The following LRRC2 variants were observed in gnomAD, a reference collection of about 807,000 sequenced individuals.
LRRC2 encodes leucine rich repeat containing 2, also known as leucine-rich repeat-containing protein 2.
LRRC2 carries 27 observed loss-of-function variants against 40.2 expected under a neutral mutation model. The ratio of observed to expected loss-of-function variants is 0.67; its 90% CI spans 0.49 to 0.93. LRRC2 has a LOEUF of 0.93. Ranked by LOEUF, LRRC2 falls within the 40% of genes least tolerant of loss-of-function variation. The probability of loss-of-function intolerance (pLI) is 0.00; values close to 1 mark genes in which losing one functional copy is unlikely to be tolerated. For synonymous variants in LRRC2, 147 were observed against 158.9 expected (o/e 0.92, Z 0.56); for missense variants, 402 against 439.6 (o/e 0.91, Z 0.76).
At chr3:46,519,971 C>A (rs1274532762) in intron 8 of LRRC2, among the ~76,000 whole-genome samples, 5 of 151,904 alleles carry the variant, frequency 3.3e-5, no homozygotes, top group Admixed American at 2.0e-4. Context: ...TGAATATTAG[C>A]AATATCATGT....
At chr3:46,556,777 C>T (rs577304686) in intron 1 of LRRC2, among the ~76,000 whole-genome samples, 200 of 152,024 alleles carry the variant, frequency 1.3e-3, no homozygotes, top group African/African-American at 4.0e-3. Context: ...CAGGGTTTCA[C>T]CATGTTGATC....
intron 4 of LRRC2, among the ~76,000 whole-genome samples, chr3:46,534,541 A>G (rs1187845316): frequency 6.6e-6 from 1 of 151,796 alleles, no homozygotes; most frequent in East Asian, 1.9e-4. Context: ...AATGCACACC[A>G]CTTTCACACC....
At chr3:46,521,749 G>T in intron 7 of LRRC2, 91 bp from the exon 8 acceptor site, 1 of 1,307,122 alleles carries the variant, frequency 7.7e-7, no homozygotes, top group East Asian at 2.3e-5. Flanking sequence ...GTTATCCCAA[G>T]TTCTGGCTTA....
chr3:46,554,082 C>A (rs1173154918), intron 1 of LRRC2, among the ~76,000 whole-genome samples: 1 of 151,780 alleles, frequency 6.6e-6, no homozygotes, highest in Non-Finnish European at 1.5e-5. Flanking sequence ...TGCAGTGACA[C>A]CATCATGGTT....
chr3:46,552,650 C>G (rs1481438574), intron 1 of LRRC2, among the ~76,000 whole-genome samples: 2 of 152,114 alleles, frequency 1.3e-5, no homozygotes, highest in South Asian at 2.1e-4. Context: ...CTGCCACCAC[C>G]AGTCTCTGCC....
intron 4 of LRRC2, among the ~76,000 whole-genome samples, chr3:46,537,082 C>T (rs1575350900): frequency 1.3e-5 from 2 of 152,154 alleles, no homozygotes; most frequent in Admixed American, 1.3e-4. Flanking sequence ...ACCACTGTGG[C>T]TTCTCAAATG....
rs1013522061 is a variant in LRRC2, at chr3:46,517,185, C to T, written c.*1829G>A. 6.6e-6 allele frequency: 1 copy of T among 151,912 alleles called. No individual in the cohort carries two copies. The highest frequency in any genetic ancestry group is 1.5e-5 in the Non-Finnish European group (1 of 68,020). 9.4% of individuals were successfully genotyped at this position (151,912 alleles called of 1,614,324 possible). On this transcript the variant is annotated 3_prime_UTR_variant, in exon 9 of 9. Coordinates refer to ENST00000395905, the MANE Select transcript of LRRC2 (RefSeq NM_024512.5). The stretch of plus-strand genomic sequence containing the variant: ...ATTTCCGTCACTGCAGAAAGCTCCA[C>T]TGGATGGTACTGGGCAAGACCACAG...
chr3:46,543,581 G>A (rs6776546), intron 3 of LRRC2, among the ~76,000 whole-genome samples: 151,212 of 151,214 alleles, frequency 1, 75,605 homozygotes, highest in Non-Finnish European at 1. Context: ...GCACCACTGT[G>A]CTCCAGCCTG....
rs1338995390 is a variant in LRRC2 at position 46,516,219 on chromosome 3, G to A, written c.*2795C>T. The A allele has an allele frequency of 6.6e-6, 1 of 151,998 alleles. No individual in the cohort carries two copies. The highest frequency in any genetic ancestry group is 6.6e-5 in the Admixed American group (1 of 15,246). The allele number at this position is 151,998 out of a possible 1,614,324, so 9.4% of individuals were successfully genotyped here. ...GATTCACCCATCTCGGCCTCCCAAA[G>A]TGCTGGGATTATAGGCGTGAGTCAC... On this transcript the variant is annotated 3_prime_UTR_variant, in exon 9 of 9. Coordinates refer to ENST00000395905, the MANE Select transcript of LRRC2 (RefSeq NM_024512.5).
At chr3:46,563,186 G>A (rs764399412) in intron 1 of LRRC2, among the ~76,000 whole-genome samples, 11 of 151,950 alleles carry the variant, frequency 7.2e-5, no homozygotes, top group Admixed American at 1.3e-4. Flanking sequence ...CTAGTGTCAC[G>A]CCTTGCCTCA....
chr3:46,539,129 T>G lies in LRRC2; in HGVS notation c.406A>C (p.Ile136Leu). The G allele has an allele frequency of 6.2e-7, 1 of 1,614,024 alleles. No homozygotes were observed. The highest frequency in any genetic ancestry group is 8.5e-7 in the Non-Finnish European group (1 of 1,179,900). Residue 136 changes from isoleucine (I) to leucine (L), a missense_variant, in exon 4 of 9, where the codon ATT (isoleucine) becomes CTT (leucine). Ile to Leu is a conservative substitution (Grantham distance 5). Coordinates refer to ENST00000395905, the MANE Select transcript of LRRC2 (RefSeq NM_024512.5). Reference sequence around the variant, plus strand: ...TGAAATAACTGAATATATGTAGGAATGATTTGAATCAAGGTATTGCTTATG... The same window carrying G: ...TGAAATAACTGAATATATGTAGGAAGGATTTGAATCAAGGTATTGCTTATG... ...WYISNTLIQI[I>L]PTYIQLFQAM...
At chr3:46,521,495 A>G (rs761005544) in intron 8 of LRRC2, 27 bp downstream of exon 8, 10 of 1,511,452 alleles carry the variant, frequency 6.6e-6, no homozygotes, top group Non-Finnish European at 8.9e-6. Context: ...CACTAATTTT[A>G]AATAATTTTA....
At chr3:46,558,431 C>T (rs1704859725) in intron 1 of LRRC2, 1 of 152,196 alleles carries the variant, frequency 6.6e-6, no homozygotes, top group South Asian at 2.1e-4. Flanking sequence ...CATGTCAGGT[C>T]TGTTTTCAGT....
At position 46,518,578 on chromosome 3, in the gene LRRC2, C is replaced by G. The variant is rs1703908081; in HGVS notation, c.*436G>C. 6.5e-6 allele frequency: 1 copy of G among 152,982 alleles called. No individual in the cohort carries two copies. Among genetic ancestry groups the G allele is most frequent in the South Asian group, 2.1e-4 (1 of 4,848 alleles). The allele number at this position is 152,982 out of a possible 1,614,324, so 9.5% of individuals were successfully genotyped here. On this transcript the variant is annotated 3_prime_UTR_variant, in exon 9 of 9. Transcript: ENST00000395905. ...GGTTTCGCCATGCTGGCCAAACCAGCCTCGAACTCCGGACCTCAGGTGATC... is the reference window on the plus strand; with the variant it reads ...GGTTTCGCCATGCTGGCCAAACCAGGCTCGAACTCCGGACCTCAGGTGATC...
chr3:46,529,975 G>T lies in LRRC2; in HGVS notation c.703C>A (p.Arg235=). 1.2e-6 allele frequency: 2 copies of T among 1,614,058 alleles called. No individual in the cohort carries two copies. Among genetic ancestry groups the T allele is most frequent in the Non-Finnish European group, 1.7e-6 (2 of 1,179,992 alleles). ...KFSSVPICVL[R]MSNLQWLDIS... ...TCCAACCACTGCAAATTCGACATCCGCAGGACACAGATTGGGACACTGGAA... is the reference window on the plus strand; with the variant it reads ...TCCAACCACTGCAAATTCGACATCCTCAGGACACAGATTGGGACACTGGAA... The change falls in exon 6 of 9, where the codon CGG becomes AGG. Residue 235 remains arginine, a synonymous_variant. Transcript: ENST00000395905.
At chr3:46,543,077 A>T (rs540022506) in intron 3 of LRRC2, among the ~76,000 whole-genome samples, 1 of 152,192 alleles carries the variant, frequency 6.6e-6, no homozygotes, top group Non-Finnish European at 1.5e-5. Flanking sequence ...GGTGAGGCCG[A>T]AGCACAAGCT....
intron 2 of LRRC2, among the ~76,000 whole-genome samples, chr3:46,547,588 C>T (rs1231149225): frequency 1.3e-5 from 2 of 151,572 alleles, no homozygotes; most frequent in African/African-American, 4.9e-5. Flanking sequence ...CCCTGGAAGT[C>T]GAGGCTGCAG....
intron 8 of LRRC2, among the ~76,000 whole-genome samples, chr3:46,521,080 G>A (rs1021765273): frequency 7.2e-5 from 11 of 152,104 alleles, no homozygotes; most frequent in African/African-American, 1.7e-4. Flanking sequence ...GCGCAAATTG[G>A]CCATCCTGTG....
At chr3:46,527,300 T>C in intron 7 of LRRC2, 126 bp downstream of exon 7, 1 of 966,928 alleles carries the variant, frequency 1.0e-6, no homozygotes, top group Admixed American at 2.5e-5. Flanking sequence ...CTTCTGTGAG[T>C]TGGGATCAGG....
Sources: gnomAD v4.1 joint callset for allele counts (sites outside exome capture counted in the v4.1 genomes callset) on GRCh38, gnomAD v4.1.1 for gene constraint, MANE v1.5 for transcripts, NCBI Gene and HGNC (gene_info 2026-07-23, HGNC 2026-07-21) for gene names.